Variants in SLC35E4 observed in about 807,000 individuals in gnomAD.
SLC35E4 encodes solute carrier family 35 member E4, also known as solute carrier family 35, member E4.
A neutral mutation model predicts 19.3 loss-of-function variants in SLC35E4; 15 were observed. The ratio of observed to expected loss-of-function variants is 0.78; its 90% CI spans 0.52 to 1.20. The LOEUF (loss-of-function observed/expected upper bound fraction) is 1.20, where lower values mean the gene tolerates loss of function less well. Among genes scored for constraint, SLC35E4 ranks in the 50% most tolerant of loss-of-function variants. SLC35E4 has a pLI of 0.00. For missense variants in SLC35E4, 406 were observed against 472.3 expected, an observed-to-expected ratio of 0.86 and a Z score of 1.30; for synonymous variants, 219 against 219.9, an observed-to-expected ratio of 1.00 and a Z score of 0.04.
At chr22:30,662,395 C>A (rs991551600) in exon 3 of SLC35E4, 3 of 152,140 alleles carry the variant, frequency 2.0e-5, no homozygotes, top group Admixed American at 6.6e-5. Context: ...GTGAGAGGAA[C>A]CGCTGAGACC....
At chr22:30,665,608 T>C, downstream of SLC35E4, 1 of 465,970 alleles carries the variant, frequency 2.1e-6, no homozygotes, top group Non-Finnish European at 4.4e-6. Context: ...TCCCTCACGT[T>C]TGACCAACTC....
At chr22:30,665,597 C>T, downstream of SLC35E4, 2 of 467,914 alleles carry the variant, frequency 4.3e-6, no homozygotes. Flanking sequence ...GATCACACCC[C>T]TCCCTCACGT....
intron 2 of SLC35E4, among the ~76,000 whole-genome samples, chr22:30,660,927 C>G (rs1385688442): frequency 6.6e-6 from 1 of 151,874 alleles, no homozygotes; most frequent in Middle Eastern, 3.4e-3. Flanking sequence ...GCAACCTCTG[C>G]CTCCCGGGTT....
chr22:30,663,988 A>C (rs2088566939), downstream of SLC35E4: 7 of 1,613,200 alleles, frequency 4.3e-6, no homozygotes, highest in Non-Finnish European at 5.9e-6. Context: ...GGGAAGGCAC[A>C]CGAGGGTGCT....
chr22:30,650,434 T>A (rs1041793141), downstream of SLC35E4, among the ~76,000 whole-genome samples: 2 of 152,148 alleles, frequency 1.3e-5, no homozygotes, highest in Non-Finnish European at 1.5e-5. Flanking sequence ...AGGCAGAGAT[T>A]GCTGTGAGCC....
intron 1 of SLC35E4, among the ~76,000 whole-genome samples, chr22:30,639,746 T>G (rs1046365624): frequency 6.6e-6 from 1 of 152,230 alleles, no homozygotes; most frequent in African/African-American, 2.4e-5. Context: ...AGTTTAAGAT[T>G]ATCTCTCTTG....
rs1458290814 is a variant in SLC35E4, at chr22:30,636,397, G to A, written c.-54G>A. The A allele has an allele frequency of 1.4e-6, 2 of 1,440,196 alleles. No individual in the cohort carries two copies. Among genetic ancestry groups the A allele is most frequent in the Non-Finnish European group, 1.8e-6 (2 of 1,097,096 alleles). The allele number at this position is 1,440,196 out of a possible 1,614,324, so 89.2% of individuals were successfully genotyped here. On this transcript the variant is annotated 5_prime_UTR_variant, in exon 1 of 2. Transcript: ENST00000343605. ...TGGCCCCAAGCGGAACTCTCTGGTGGCCCAGAGGTCGTCACTGGGGAGCCC... is the reference window on the plus strand; with the variant it reads ...TGGCCCCAAGCGGAACTCTCTGGTGACCCAGAGGTCGTCACTGGGGAGCCC...
At chr22:30,649,344 G>A (rs992855493), downstream of SLC35E4, 1 of 691,026 alleles carries the variant, frequency 1.4e-6, no homozygotes, top group South Asian at 1.6e-5. Context: ...TTTGTGTGAG[G>A]ACTAGGAGCT....
downstream of SLC35E4, chr22:30,663,700 G>A (rs749210779): frequency 5.0e-6 from 8 of 1,614,260 alleles, no homozygotes; most frequent in East Asian, 1.6e-4. Context: ...GCACAGTGCA[G>A]CAAAGTACGG....
At chr22:30,655,429 C>CTAAAAAAAAAAAAAAA (rs1389184839) in intron 2 of SLC35E4, among the ~76,000 whole-genome samples, 1 of 111,676 alleles carries the variant, frequency 9.0e-6, no homozygotes, top group Non-Finnish European at 1.8e-5. Context: ...GAGATCCTAC[C>CTAAAAAAAAAAAAAAA]AAAAAAAAAA....
downstream of SLC35E4, among the ~76,000 whole-genome samples, chr22:30,650,063 G>A (rs2088184330): frequency 6.7e-6 from 1 of 149,568 alleles, no homozygotes; most frequent in Non-Finnish European, 1.5e-5. Context: ...GGGATGTGGT[G>A]GCTCACGCCT....
At position 30,636,545 on chromosome 22, in the gene SLC35E4, A is replaced by C. The variant is rs1480283857; in HGVS notation, c.95A>C (p.Glu32Ala). The C allele has an allele frequency of 6.4e-7, 1 of 1,561,600 alleles. No homozygotes were observed. The highest frequency in any genetic ancestry group is 1.2e-5 in the South Asian group (1 of 85,956). The stretch of plus-strand genomic sequence containing the variant: ...GGTGCTCAGGCGGCTGGGCCCCCCG[A>C]GTGGCCCCCTGGCAGCCCTCAGGCC... Reference protein sequence around the residue: ...AGGAQAAGPPEWPPGSPQALR... With the variant: ...AGGAQAAGPPAWPPGSPQALR... The change falls in exon 1 of 2, where the codon GAG becomes GCG. Residue 32 changes from glutamate (E) to alanine (A), a missense_variant. Glu to Ala is a moderately radical substitution (Grantham distance 107, BLOSUM62 -1). Coordinates refer to ENST00000343605, the MANE Select transcript of SLC35E4 (RefSeq NM_001001479.4).
rs779577787 is a variant in SLC35E4, at chr22:30,636,560, G to C, written c.110G>C (p.Ser37Thr). 1.1e-5 allele frequency: 18 copies of C among 1,572,824 alleles called. No individual in the cohort carries two copies. The highest frequency in any genetic ancestry group is 1.6e-5 in the Non-Finnish European group (18 of 1,159,140). Residue 37 changes from serine to threonine, a missense_variant, in exon 1 of 2, where the codon AGC becomes ACC. Physicochemically the swap from Ser to Thr is moderately conservative, Grantham distance 58 (BLOSUM62 1). Transcript: ENST00000343605. ...AAGPPEWPPGSPQALRQPGRA... is the reference protein window; with the variant it reads ...AAGPPEWPPGTPQALRQPGRA... The stretch of plus-strand genomic sequence containing the variant: ...GGGCCCCCCGAGTGGCCCCCTGGCA[G>C]CCCTCAGGCCCTCCGGCAGCCTGGC...
chr22:30,657,614 TA>T (rs1280039051), intron 2 of SLC35E4, among the ~76,000 whole-genome samples: 5 of 150,908 alleles, frequency 3.3e-5, no homozygotes, highest in Admixed American at 6.6e-5. Context: ...TTTAAAGATT[TA>T]AAAAATAGGC....
downstream of SLC35E4, chr22:30,663,368 T>C (rs2088535129): frequency 2.7e-6 from 4 of 1,455,610 alleles, no homozygotes; most frequent in Non-Finnish European, 2.8e-6. Flanking sequence ...ATGTTCAAGT[T>C]TGGATCTTGG....
chr22:30,647,207 G>A lies in SLC35E4; in HGVS notation c.*176G>A, dbSNP rs1203735921. 2.7e-6 allele frequency: 2 copies of A among 729,820 alleles called. No homozygotes were observed. Among genetic ancestry groups the A allele is most frequent in the East Asian group, 5.6e-5 (2 of 35,832 alleles). 45.2% of individuals were successfully genotyped at this position (729,820 alleles called of 1,614,324 possible). ...GAGGCCAGGAGTTCGAGACCAGCCTGGCTAACATGGCAAAACCTCATCTCT... is the reference window on the plus strand; with the variant it reads ...GAGGCCAGGAGTTCGAGACCAGCCTAGCTAACATGGCAAAACCTCATCTCT... On this transcript the variant is annotated 3_prime_UTR_variant, in exon 2 of 2. Transcript: ENST00000343605.
downstream of SLC35E4, chr22:30,652,180 A>G (rs1282309487): frequency 2.0e-5 from 3 of 152,156 alleles, no homozygotes; most frequent in African/African-American, 7.2e-5. Context: ...CAGGGATGAA[A>G]TCACAGGATG....
downstream of SLC35E4, among the ~76,000 whole-genome samples, chr22:30,648,177 C>T (rs777482482): frequency 6.6e-6 from 1 of 152,180 alleles, no homozygotes; most frequent in Non-Finnish European, 1.5e-5. Flanking sequence ...TCTGATGTTC[C>T]TCACTGCTCT....
At chr22:30,651,371 TTGTG>T (rs1555899346), downstream of SLC35E4, among the ~76,000 whole-genome samples, 1,862 of 40,820 alleles carry the variant, frequency 0.046, 53 homozygotes, top group East Asian at 0.13. Context: ...TGGCTAATTT[TTGTG>T]TGTGTGTGTG....
Sources: allele counts gnomAD v4.1 joint callset (sites outside exome capture counted in the v4.1 genomes callset), GRCh38; gene constraint gnomAD v4.1.1; transcripts MANE v1.5; gene names NCBI Gene and HGNC (gene_info 2026-07-23, HGNC 2026-07-21).